The following CLK4 variants were observed in gnomAD, a reference collection of about 807,000 sequenced individuals.
CLK4 encodes the protein dual specificity protein kinase CLK4.
Under a neutral mutation model 64.4 loss-of-function variants are expected in CLK4, and 37 were observed. The observed-to-expected ratio is 0.57, with a 90% confidence interval of 0.44 to 0.76. The LOEUF (loss-of-function observed/expected upper bound fraction) is 0.76. Ranked by LOEUF, CLK4 falls within the 30% of genes least tolerant of loss-of-function variation. The probability of loss-of-function intolerance (pLI) is 0.00; values close to 1 mark genes in which losing one functional copy is unlikely to be tolerated. For synonymous variants in CLK4, 175 were observed against 191.6 expected, an observed-to-expected ratio of 0.91 and a Z score of 0.72; for missense variants, 457 against 605.1, an observed-to-expected ratio of 0.76 and a Z score of 2.57.
intron 7 of CLK4, 28 bp from the exon 8 acceptor site, chr5:178,612,918 G>T: frequency 8.5e-7 from 1 of 1,179,160 alleles, no homozygotes; most frequent in Non-Finnish European, 1.2e-6. Context: ...CACATTATTA[G>T]TTTCACTTAC....
chr5:178,621,257 T>G (rs1353932294), intron 2 of CLK4, among the ~76,000 whole-genome samples: 2 of 152,090 alleles, frequency 1.3e-5, no homozygotes, highest in East Asian at 3.9e-4. Context: ...ACCTCCAAGG[T>G]GATTCTTATT....
chr5:178,622,359 T>A, intron 2 of CLK4: 1 of 897,230 alleles, frequency 1.1e-6, no homozygotes, highest in Non-Finnish European at 1.3e-6. Flanking sequence ...GCAGAACAAG[T>A]CTGTTAACGT....
chr5:178,616,611 C>A (rs1764630372), intron 5 of CLK4, among the ~76,000 whole-genome samples: 1 of 151,998 alleles, frequency 6.6e-6, no homozygotes, highest in African/African-American at 2.4e-5. Context: ...CCCAGGCCAA[C>A]ACGGTGAAAC....
At chr5:178,616,066 T>C (rs879856115) in intron 5 of CLK4, among the ~76,000 whole-genome samples, 2 of 152,228 alleles carry the variant, frequency 1.3e-5, no homozygotes, top group Non-Finnish European at 2.9e-5. Flanking sequence ...TTTCCCCCTG[T>C]TGAAATTTGT....
intron 3 of CLK4, 47 bp downstream of exon 3, chr5:178,618,509 A>T: frequency 7.9e-7 from 1 of 1,271,034 alleles, no homozygotes; most frequent in Non-Finnish European, 1.1e-6. Flanking sequence ...CGTTAAGAGT[A>T]CACACAAATA....
intron 2 of CLK4, 99 bp downstream of exon 2, chr5:178,623,157 A>T: frequency 8.5e-7 from 1 of 1,169,732 alleles, no homozygotes; most frequent in Admixed American, 2.1e-5. Context: ...TTGTTGACTG[A>T]ATTATAAAAC....
At position 178,603,583 on chromosome 5, in the gene CLK4, A is replaced by G. The variant is rs755840764; in HGVS notation, c.*34T>C. 2.7e-6 allele frequency: 4 copies of G among 1,469,482 alleles called. No homozygotes were observed. In the East Asian group the frequency reaches 9.2e-5, roughly 34 times the overall value. The allele number at this position is 1,469,482 out of a possible 1,614,324, so 91.0% of individuals were successfully genotyped here. A position where few individuals can be genotyped will look rare whatever the true frequency, so the allele number is the denominator to read the frequency against. On this transcript the variant is annotated 3_prime_UTR_variant, in exon 13 of 13. Transcript: ENST00000316308. ...GACACAGTCTTAAGTAATCTCTTCT[A>G]GAGAAGTATATAGTAAGACCACTGA...
chr5:178,605,489 C>T (rs1764454415), intron 10 of CLK4, 107 bp from the exon 11 acceptor site: 1 of 586,576 alleles, frequency 1.7e-6, no homozygotes, highest in Non-Finnish European at 2.8e-6. Context: ...ACTTCTTACA[C>T]TGTTTAAAGA....
In CLK4 at chr5:178,618,722, A is replaced by C; in HGVS notation, c.218T>G (p.Val73Gly). The C allele has an allele frequency of 6.2e-7, 1 of 1,613,984 alleles. No homozygotes were observed. The highest frequency in any genetic ancestry group is 8.5e-7 in the Non-Finnish European group (1 of 1,179,898). The part of the protein sequence containing the change: ...NERDYRDRRY[V>G]DEYRNDYCEG... The stretch of plus-strand genomic sequence containing the variant: ...ACAGTAGTCATTCCTGTATTCGTCA[A>C]CGTATCTCCGGTCCCGATAATCTCG... The change falls in exon 3 of 13, where the codon GTT becomes GGT. Residue 73 changes from valine (V) to glycine (G), a missense_variant. Physicochemically the swap from Val to Gly is moderately radical, Grantham distance 109 (BLOSUM62 -3). Transcript: ENST00000316308.
intron 2 of CLK4, 29 bp from the exon 3 acceptor site, chr5:178,618,807 A>G: frequency 1.3e-6 from 2 of 1,540,984 alleles, no homozygotes; most frequent in Non-Finnish European, 1.8e-6. Flanking sequence ...ATTTCAAATT[A>G]TTCTCTTCAT....
intron 2 of CLK4, 84 bp from the exon 3 acceptor site, chr5:178,618,862 T>TA: frequency 9.4e-7 from 1 of 1,060,814 alleles, no homozygotes; most frequent in Non-Finnish European, 1.4e-6. Context: ...CAGAAATTCT[T>TA]AAACAGCTAA....
At chr5:178,609,937 T>C (rs922593890) in intron 9 of CLK4, among the ~76,000 whole-genome samples, 2 of 151,678 alleles carry the variant, frequency 1.3e-5, no homozygotes, top group Admixed American at 6.6e-5. Context: ...TAATGGAGCA[T>C]GGTTTCTACC....
chr5:178,620,224 T>A, intron 2 of CLK4: 1 of 250,210 alleles, frequency 4.0e-6, no homozygotes, highest in Non-Finnish European at 8.2e-6. Flanking sequence ...GTCAGATATC[T>A]GATCAGTTGG....
chr5:178,620,151 C>T (rs1411083325), intron 2 of CLK4: 3 of 296,652 alleles, frequency 1.0e-5, no homozygotes, highest in South Asian at 9.2e-5. Context: ...CTAGCATCAG[C>T]TTTAAGTTGT....
intron 2 of CLK4, among the ~76,000 whole-genome samples, chr5:178,621,037 C>T (rs1764700407): frequency 6.6e-6 from 1 of 152,134 alleles, no homozygotes; most frequent in South Asian, 2.1e-4. Flanking sequence ...AGGAAAAAGA[C>T]AATCCCAGCA....
chr5:178,615,142 G>A (rs1219502050), intron 5 of CLK4, among the ~76,000 whole-genome samples: 1 of 152,056 alleles, frequency 6.6e-6, no homozygotes, highest in Non-Finnish European at 1.5e-5. Context: ...CTTGAGGCCA[G>A]GAGTTCCACA....
intron 10 of CLK4, 99 bp downstream of exon 10, chr5:178,608,277 A>C (rs1764495488): frequency 5.1e-6 from 4 of 784,308 alleles, no homozygotes; most frequent in African/African-American, 1.7e-5. Context: ...AAGAATAATG[A>C]TGTATGGCAA....
intron 5 of CLK4, 47 bp downstream of exon 5, chr5:178,616,835 C>T (rs886562236): frequency 7.0e-6 from 9 of 1,294,646 alleles, no homozygotes; most frequent in Non-Finnish European, 8.9e-6. Context: ...ATGAATCTTT[C>T]CCCACCAAAA....
At chr5:178,607,900 A>C (rs1764491142) in intron 10 of CLK4, among the ~76,000 whole-genome samples, 2 of 152,198 alleles carry the variant, frequency 1.3e-5, no homozygotes, top group South Asian at 4.1e-4. Flanking sequence ...TGACTTGAGA[A>C]AGATGTTGTC....
Sources: allele counts gnomAD v4.1 joint callset (sites outside exome capture counted in the v4.1 genomes callset), GRCh38; gene constraint gnomAD v4.1.1; transcripts MANE v1.5; gene names NCBI Gene and HGNC (gene_info 2026-07-23, HGNC 2026-07-21).